The following PKNOX2 variants were observed in gnomAD, a reference collection of about 807,000 sequenced individuals.
PKNOX2 encodes PBX/knotted 1 homeobox 2.
A neutral mutation model predicts 53.1 loss-of-function variants in PKNOX2; 14 were observed. That is an observed-to-expected ratio of 0.26 (90% CI 0.17 to 0.41). The LOEUF is 0.41. PKNOX2 is among the 10% of genes least tolerant of loss of function. The pLI, the probability that PKNOX2 is intolerant of heterozygous loss-of-function variation, is 1.00. For synonymous variants in PKNOX2, 257 were observed against 242.8 expected (o/e 1.06, Z -0.54); for missense variants, 496 against 602.8 (o/e 0.82, Z 1.85).
At chr11:125,194,290 C>T (rs542175765) in intron 1 of PKNOX2, among the ~76,000 whole-genome samples, 6 of 152,214 alleles carry the variant, frequency 3.9e-5, no homozygotes, top group Non-Finnish European at 7.3e-5. Flanking sequence ...CACCCCAGGC[C>T]GGCTCCCATT....
chr11:125,431,439 G>C lies in PKNOX2; in HGVS notation c.*47G>C. 1 of 1,017,442 alleles carries C rather than the reference G, an allele frequency of 9.8e-7. No individual in the cohort carries two copies. The highest frequency in any genetic ancestry group is 1.3e-6 in the Non-Finnish European group (1 of 755,646). The allele number at this position is 1,017,442 out of a possible 1,614,324, so 63.0% of individuals were successfully genotyped here. On this transcript the variant is annotated 3_prime_UTR_variant, in exon 13 of 13. Coordinates refer to ENST00000298282, the MANE Select transcript of PKNOX2 (RefSeq NM_001382323.2). ...GATCACTGAGCAGGAGAGGAGTGTC[G>C]CCGGGAGGCCTTCAGGGTGGGGGGG... is the stretch of plus-strand genomic sequence containing the variant.
At chr11:125,303,482 G>A (rs1948217267) in intron 2 of PKNOX2, among the ~76,000 whole-genome samples, 1 of 152,044 alleles carries the variant, frequency 6.6e-6, no homozygotes, top group South Asian at 2.1e-4. Flanking sequence ...TGCAGGGTGG[G>A]TCTGGATACG....
At chr11:125,404,792 A>C (rs2135502036) in intron 7 of PKNOX2, among the ~76,000 whole-genome samples, 1 of 152,296 alleles carries the variant, frequency 6.6e-6, no homozygotes, top group Middle Eastern at 3.4e-3. Flanking sequence ...GCCTGCCACC[A>C]AGCTAGGGAA....
intron 7 of PKNOX2, among the ~76,000 whole-genome samples, chr11:125,398,299 G>C (rs1487873343): frequency 6.6e-6 from 1 of 152,228 alleles, no homozygotes; most frequent in Non-Finnish European, 1.5e-5. Context: ...GACCAGATCG[G>C]AGAGGGACAA....
At chr11:125,417,110 A>G (rs1955927800) in intron 10 of PKNOX2, among the ~76,000 whole-genome samples, 1 of 152,058 alleles carries the variant, frequency 6.6e-6, no homozygotes, top group South Asian at 2.1e-4. Flanking sequence ...CAATCATTCC[A>G]TAGCAGACTC....
At chr11:125,400,996 G>A (rs1954711784) in intron 7 of PKNOX2, among the ~76,000 whole-genome samples, 1 of 151,936 alleles carries the variant, frequency 6.6e-6, no homozygotes, top group South Asian at 2.1e-4. Flanking sequence ...GACCCCAGCA[G>A]TGGCTACCAC....
chr11:125,210,773 G>A (rs1055027579), intron 1 of PKNOX2, among the ~76,000 whole-genome samples: 3 of 152,150 alleles, frequency 2.0e-5, no homozygotes, highest in African/African-American at 7.2e-5. Context: ...GCAGAGTTCA[G>A]GATCTTCAAA....
intron 2 of PKNOX2, among the ~76,000 whole-genome samples, chr11:125,316,101 T>C (rs1433137451): frequency 6.6e-6 from 1 of 152,238 alleles, no homozygotes; most frequent in Non-Finnish European, 1.5e-5. Context: ...CTCCTTTGCG[T>C]TCTCATGGAG....
chr11:125,242,926 A>G (rs1943271682), intron 2 of PKNOX2, among the ~76,000 whole-genome samples: 1 of 152,224 alleles, frequency 6.6e-6, no homozygotes, highest in Non-Finnish European at 1.5e-5. Context: ...GAAGGATTGA[A>G]CAAGTGTGCA....
At chr11:125,331,971 A>G (rs1434169793) in intron 3 of PKNOX2, 46 bp downstream of exon 3, 1 of 152,192 alleles carries the variant, frequency 6.6e-6, no homozygotes, top group Admixed American at 6.5e-5. Context: ...ACACCCCCCA[A>G]GCAGGATATC....
At chr11:125,413,275 C>T (rs553279397) in intron 10 of PKNOX2, among the ~76,000 whole-genome samples, 1 of 152,276 alleles carries the variant, frequency 6.6e-6, no homozygotes, top group South Asian at 2.1e-4. Context: ...GGCCAGAGGC[C>T]CCGCAGCAGG....
intron 2 of PKNOX2, among the ~76,000 whole-genome samples, chr11:125,306,435 CT>C (rs1386917223): frequency 6.6e-6 from 1 of 152,208 alleles, no homozygotes; most frequent in East Asian, 1.9e-4. Flanking sequence ...GCTTTTCTTT[CT>C]GCCTTCCCAC....
rs936906366 is a variant in PKNOX2, at chr11:125,411,929, G to A, written c.936+64G>A. On this transcript the variant is annotated intron_variant, in intron 10 of 12. Transcript: ENST00000298282. ...GGGGTATGAATAACCCACCGTGTGG[G>A]TACCAGACTCTGCTGTCGGCTCCAA... 8.1e-6 allele frequency: 13 copies of A among 1,603,514 alleles called. No individual in the cohort carries two copies. The Admixed American group carries it at 2.0e-4, about 25-fold the overall frequency.
chr11:125,227,971 C>T (rs1565474086), intron 1 of PKNOX2, among the ~76,000 whole-genome samples: 1 of 152,136 alleles, frequency 6.6e-6, no homozygotes, highest in Non-Finnish European at 1.5e-5. Context: ...CTGCTGCCTC[C>T]ACTGCTGGTC....
intron 2 of PKNOX2, among the ~76,000 whole-genome samples, chr11:125,284,902 A>G (rs1266364349): frequency 5.3e-5 from 8 of 151,850 alleles, no homozygotes; most frequent in Middle Eastern, 3.2e-3. Context: ...CCTGGCTTCT[A>G]TGGGGGCACC....
In PKNOX2 at chr11:125,205,662, G is replaced by A. The variant is rs141426048; in HGVS notation, c.-200-29383G>A. On this transcript the variant is annotated intron_variant, in intron 1 of 12. Coordinates refer to ENST00000298282, the MANE Select transcript of PKNOX2 (RefSeq NM_001382323.2). Reference sequence around the variant, plus strand: ...CCCCTGTTTTTAAATATGTCTTCCCGCTTCTCTCTCATGCCACGCCTTGCC... The same window carrying A: ...CCCCTGTTTTTAAATATGTCTTCCCACTTCTCTCTCATGCCACGCCTTGCC... Among the ~76,000 whole-genome samples the A allele has an allele frequency of 1.7e-3, 257 of 151,948 alleles. 2 individuals carry two copies. Among genetic ancestry groups the A allele is most frequent in the African/African-American group, 5.8e-3 (239 of 41,462 alleles).
At chr11:125,272,467 G>A (rs1292120208) in intron 2 of PKNOX2, among the ~76,000 whole-genome samples, 1 of 152,144 alleles carries the variant, frequency 6.6e-6, no homozygotes, top group Non-Finnish European at 1.5e-5. Context: ...ACTTGTTAAG[G>A]TCACATGATT....
chr11:125,222,629 G>GTGTGTATGTGTGTGCATATGTGTGTGC, intron 1 of PKNOX2, among the ~76,000 whole-genome samples: 1 of 149,680 alleles, frequency 6.7e-6, no homozygotes, highest in Admixed American at 6.7e-5. Context: ...GTGTATGTGT[G>GTGTGTATGTGTGTGCATATGTGTGTGC]TGTGTATGTG....
chr11:125,300,770 AGG>A (rs1948004569), intron 2 of PKNOX2, among the ~76,000 whole-genome samples: 1 of 152,164 alleles, frequency 6.6e-6, no homozygotes, highest in African/African-American at 2.4e-5. Context: ...CCCAACAGGC[AGG>A]GCCCTGCATT....
Sources: allele counts gnomAD v4.1 joint callset (sites outside exome capture counted in the v4.1 genomes callset), GRCh38; gene constraint gnomAD v4.1.1; transcripts MANE v1.5; gene names NCBI Gene and HGNC (gene_info 2026-07-23, HGNC 2026-07-21).